Variants in PCCB observed in about 807,000 individuals in gnomAD.
PCCB encodes the protein propionyl-CoA carboxylase beta chain, mitochondrial.
A neutral mutation model predicts 60.7 loss-of-function variants in PCCB; 43 were observed. That is an observed-to-expected ratio of 0.71 (90% confidence interval 0.55 to 0.91). The LOEUF is 0.91. Among genes scored for constraint, PCCB ranks in the 40% least tolerant of loss-of-function variants. PCCB has a pLI of 0.00. For synonymous variants in PCCB, 276 were observed against 255.9 expected (o/e 1.08, Z -0.75); for missense variants, 766 against 702.8 (o/e 1.09, Z -1.02).
intron 3 of PCCB, 196 bp from the exon 4 acceptor site, chr3:136,260,283 G>A (rs756726254): frequency 3.6e-5 from 24 of 667,560 alleles, no homozygotes; most frequent in African/African-American, 2.2e-4. Flanking sequence ...CTGCCATGTC[G>A]CCCAGGCTGG....
chr3:136,329,181 G>A (rs1360690417), intron 14 of PCCB, among the ~76,000 whole-genome samples: 2 of 152,194 alleles, frequency 1.3e-5, no homozygotes, highest in Non-Finnish European at 2.9e-5. Flanking sequence ...TGGTTCTGTG[G>A]GGTCCACAAT....
intron 6 of PCCB, among the ~76,000 whole-genome samples, chr3:136,290,842 C>T (rs116784558): frequency 1.4e-3 from 217 of 151,176 alleles, no homozygotes; most frequent in African/African-American, 4.9e-3. Context: ...TATGTTACAT[C>T]GTTTGTAATT....
intron 3 of PCCB, among the ~76,000 whole-genome samples, chr3:136,259,691 A>C (rs993420023): frequency 6.6e-6 from 1 of 152,204 alleles, no homozygotes; most frequent in Admixed American, 6.5e-5. Flanking sequence ...ATTCTATGGA[A>C]TAATCTATAA....
chr3:136,281,736 GT>G (rs1412037286), intron 5 of PCCB, among the ~76,000 whole-genome samples: 1 of 152,142 alleles, frequency 6.6e-6, no homozygotes, highest in Non-Finnish European at 1.5e-5. Flanking sequence ...ATGTTTGGAA[GT>G]TTGGAAGTCT....
chr3:136,269,597 C>T (rs758891868), intron 5 of PCCB, among the ~76,000 whole-genome samples: 5 of 151,944 alleles, frequency 3.3e-5, no homozygotes, highest in Non-Finnish European at 7.4e-5. Flanking sequence ...TAAGAGTGGA[C>T]ATCCTTGGCC....
chr3:136,250,876 C>T (rs532821315), intron 1 of PCCB, among the ~76,000 whole-genome samples: 2 of 152,168 alleles, frequency 1.3e-5, no homozygotes, highest in Non-Finnish European at 2.9e-5. Flanking sequence ...AATAATTCTT[C>T]CTTCACAAGT....
At chr3:136,328,153 C>T (rs1297563516) in intron 13 of PCCB, among the ~76,000 whole-genome samples, 1 of 152,200 alleles carries the variant, frequency 6.6e-6, no homozygotes, top group Non-Finnish European at 1.5e-5. Context: ...AACTGTAGGT[C>T]CGACCCTAGT....
At chr3:136,254,777 C>T (rs543948202) in intron 1 of PCCB, among the ~76,000 whole-genome samples, 3 of 146,532 alleles carry the variant, frequency 2.0e-5, no homozygotes, top group Non-Finnish European at 3.0e-5. Context: ...AAGCGATGCT[C>T]GTCTCAGCCT....
intron 5 of PCCB, among the ~76,000 whole-genome samples, chr3:136,270,860 T>C (rs1942179971): frequency 6.6e-6 from 1 of 152,174 alleles, no homozygotes; most frequent in African/African-American, 2.4e-5. Flanking sequence ...GGTATCTCAT[T>C]GTGGTTTTCA....
chr3:136,295,246 GGCATTGGGTCA>G (rs1252426390), intron 7 of PCCB, among the ~76,000 whole-genome samples: 4 of 152,196 alleles, frequency 2.6e-5, no homozygotes, highest in African/African-American at 4.8e-5. Flanking sequence ...CTGTGGTTAA[GGCATTGGGTCA>G]GCATTTAATT....
chr3:136,294,925 C>T (rs765122190), intron 7 of PCCB, among the ~76,000 whole-genome samples: 6 of 152,146 alleles, frequency 3.9e-5, no homozygotes, highest in Non-Finnish European at 7.3e-5. Context: ...GCTAGTTGTT[C>T]ACAACTTTAA....
intron 5 of PCCB, among the ~76,000 whole-genome samples, chr3:136,281,748 A>G (rs1942480713): frequency 6.6e-6 from 1 of 152,156 alleles, no homozygotes; most frequent in African/African-American, 2.4e-5. Flanking sequence ...TTGGAAGTCT[A>G]GTTCTCCTAC....
At chr3:136,314,727 G>A (rs1042031525) in intron 9 of PCCB, among the ~76,000 whole-genome samples, 11 of 152,290 alleles carry the variant, frequency 7.2e-5, no homozygotes, top group African/African-American at 2.4e-4. Context: ...TGACAGTAAT[G>A]AGTCAGGCAA....
At chr3:136,265,358 T>A (rs1445061834) in intron 5 of PCCB, among the ~76,000 whole-genome samples, 1 of 152,234 alleles carries the variant, frequency 6.6e-6, no homozygotes, top group African/African-American at 2.4e-5. Flanking sequence ...CTGTTTGCAG[T>A]CAGTTCCCAC....
At chr3:136,251,201 GA>G (rs1559992638) in intron 1 of PCCB, 1 of 456,522 alleles carries the variant, frequency 2.2e-6, no homozygotes, top group East Asian at 6.9e-5. Context: ...TGGCTGGACT[GA>G]GCAGTTGAAA....
rs138853479 is a variant in PCCB at position 136,317,358 on chromosome 3, A to G, written c.1090+294A>G. ...CACCTCGGCCTCCCGAGTAGCTGGG[A>G]CTACAGGCACATACCACCATACCTG... On this transcript the variant is annotated intron_variant, in intron 10 of 14. Transcript: ENST00000251654. 0.012 allele frequency among the ~76,000 whole-genome samples: 1,763 copies of G among 151,192 alleles called. 26 individuals are homozygous for G. Among genetic ancestry groups the G allele is most frequent in the East Asian group, 0.047 (239 of 5,106 alleles).
At chr3:136,278,485 G>A (rs1301554955) in intron 5 of PCCB, among the ~76,000 whole-genome samples, 1 of 152,064 alleles carries the variant, frequency 6.6e-6, no homozygotes, top group Non-Finnish European at 1.5e-5. Flanking sequence ...CTGCCATCTT[G>A]GTGGGGGTGG....
intron 14 of PCCB, among the ~76,000 whole-genome samples, chr3:136,329,565 A>G (rs1244867874): frequency 6.6e-6 from 1 of 152,226 alleles, no homozygotes; most frequent in Non-Finnish European, 1.5e-5. Context: ...GTGTACAAGG[A>G]TGAATTGTTA....
At chr3:136,313,082 C>T (rs546792854) in intron 9 of PCCB, among the ~76,000 whole-genome samples, 6 of 152,226 alleles carry the variant, frequency 3.9e-5, no homozygotes, top group Middle Eastern at 3.4e-3. Flanking sequence ...ATAAAAACCC[C>T]GAAAACACTT....
Sources: gnomAD v4.1 joint callset for allele counts (sites outside exome capture counted in the v4.1 genomes callset) on GRCh38, gnomAD v4.1.1 for gene constraint, MANE v1.5 for transcripts, NCBI Gene and HGNC (gene_info 2026-07-23, HGNC 2026-07-21) for gene names.